Variants in RASGRF2 observed in about 807,000 individuals in gnomAD.
RASGRF2 encodes Ras protein specific guanine nucleotide releasing factor 2.
A neutral mutation model predicts 151.0 loss-of-function variants in RASGRF2; 76 were observed. That is an observed-to-expected ratio of 0.50 (90% CI 0.42 to 0.61). The LOEUF is 0.61. RASGRF2 is among the 20% of genes least tolerant of loss of function. The pLI is 0.00. For missense variants in RASGRF2, 1,148 were observed against 1,564.6 expected, an observed-to-expected ratio of 0.73 and a Z score of 4.49; for synonymous variants, 504 against 566.5, an observed-to-expected ratio of 0.89 and a Z score of 1.57.
At chr5:81,154,411 G>T (rs746191502) in intron 17 of RASGRF2, among the ~76,000 whole-genome samples, 66 of 152,018 alleles carry the variant, frequency 4.3e-4, no homozygotes, top group Non-Finnish European at 7.1e-4. Flanking sequence ...TTTAATTTTT[G>T]TAGAGACAGG....
intron 1 of RASGRF2, among the ~76,000 whole-genome samples, chr5:80,983,923 G>T (rs1180307287): frequency 6.6e-6 from 1 of 152,044 alleles, no homozygotes; most frequent in Non-Finnish European, 1.5e-5. Flanking sequence ...TCAAAATTAC[G>T]TGCATGGCTT....
chr5:81,085,847 C>A lies in RASGRF2; in HGVS notation c.1207C>A (p.Pro403Thr). 1 of 1,614,064 alleles carries A rather than the reference C, an allele frequency of 6.2e-7. No homozygotes were observed. The highest frequency in any genetic ancestry group is 8.5e-7 in the Non-Finnish European group (1 of 1,180,014). The change falls in exon 8 of 27, where the codon CCC (proline) becomes ACC (threonine). Residue 403 changes from proline to threonine, a missense_variant. By Grantham distance (38) the Pro-to-Thr change is conservative. This residue lies in a region of RASGRF2 where 176 missense variants were observed against 309.6 expected (regional missense o/e 0.57). Coordinates refer to ENST00000265080, the MANE Select transcript of RASGRF2 (RefSeq NM_006909.3). ...ITLHELLAHT[P>T]HEHVERKSLE... ...ACTCCATGAGCTCCTTGCTCACACA[C>A]CCCATGAGCATGTGGAAAGGAAAAG...
intron 1 of RASGRF2, among the ~76,000 whole-genome samples, chr5:80,985,780 A>G (rs925864627): frequency 6.6e-6 from 1 of 152,166 alleles, no homozygotes; most frequent in Admixed American, 6.6e-5. Flanking sequence ...GTGGAGTATT[A>G]TGGGAACTCC....
chr5:81,155,054 C>T (rs913296337), intron 17 of RASGRF2, among the ~76,000 whole-genome samples: 4 of 151,952 alleles, frequency 2.6e-5, no homozygotes, highest in Non-Finnish European at 4.4e-5. Flanking sequence ...GCATTTTTTT[C>T]ACCTGTTGGC....
intron 5 of RASGRF2, among the ~76,000 whole-genome samples, chr5:81,077,256 T>C (rs1751966035): frequency 6.6e-6 from 1 of 152,142 alleles, no homozygotes; most frequent in Non-Finnish European, 1.5e-5. Context: ...CTATTGACAA[T>C]GACAAGGTCT....
chr5:81,151,357 G>A (rs1754130209), intron 17 of RASGRF2, among the ~76,000 whole-genome samples: 1 of 151,220 alleles, frequency 6.6e-6, no homozygotes. Context: ...AAGGAGATTG[G>A]GTTTTTGGTC....
chr5:81,103,089 A>G (rs35457491), intron 12 of RASGRF2, among the ~76,000 whole-genome samples: 1 of 152,148 alleles, frequency 6.6e-6, no homozygotes, highest in Admixed American at 6.5e-5. Flanking sequence ...AGAAGAGATC[A>G]CTATGCAAAA....
intron 17 of RASGRF2, among the ~76,000 whole-genome samples, chr5:81,168,177 C>G (rs115642983): frequency 6.6e-6 from 1 of 152,008 alleles, no homozygotes; most frequent in East Asian, 1.9e-4. Context: ...TCAGCCCCTC[C>G]GCTTTGCCCC....
chr5:81,109,698 T>A (rs1752944583), intron 13 of RASGRF2, among the ~76,000 whole-genome samples: 1 of 152,172 alleles, frequency 6.6e-6, no homozygotes, highest in Non-Finnish European at 1.5e-5. Context: ...TTCAGTTTTG[T>A]GCCTGATCAG....
intron 17 of RASGRF2, among the ~76,000 whole-genome samples, chr5:81,155,046 A>AT (rs1158981401): frequency 1.3e-5 from 2 of 152,100 alleles, no homozygotes; most frequent in African/African-American, 4.8e-5. Flanking sequence ...GATATTGAGC[A>AT]TTTTTTTCAC....
intron 1 of RASGRF2, among the ~76,000 whole-genome samples, chr5:81,003,572 G>A (rs1457011141): frequency 1.3e-5 from 2 of 152,118 alleles, no homozygotes; most frequent in Non-Finnish European, 2.9e-5. Context: ...ATGTTGGCCA[G>A]GCTGGTCTTG....
In RASGRF2 at chr5:80,995,686, C is replaced by CG. The variant is rs1357540603; in HGVS notation, c.288+34660_288+34661insG. Among the ~76,000 whole-genome samples, 521 of 123,054 alleles carry CG rather than the reference C, an allele frequency of 4.2e-3. 27 individuals are homozygous for CG. The highest frequency in any genetic ancestry group is 3.8e-3 in the Non-Finnish European group (227 of 59,382). 80.7% of individuals were successfully genotyped at this position (123,054 alleles called of 152,430 possible). Reference sequence around the variant, plus strand: ...AATCATTGTTTCTTTCCTTTCCTTCCCCCCCCCTTTTTTTTTTTTTTTTTG... The same window carrying CG: ...AATCATTGTTTCTTTCCTTTCCTTCCGCCCCCCCTTTTTTTTTTTTTTTTTG... On this transcript the variant is annotated intron_variant, in intron 1 of 26. Coordinates refer to ENST00000265080, the MANE Select transcript of RASGRF2 (RefSeq NM_006909.3).
intron 17 of RASGRF2, among the ~76,000 whole-genome samples, chr5:81,135,566 G>T (rs558214555): frequency 2.0e-5 from 3 of 152,074 alleles, no homozygotes; most frequent in Non-Finnish European, 4.4e-5. Flanking sequence ...TTTTACTAGC[G>T]TAATGTTTTT....
chr5:81,066,327 C>T (rs1162674609), intron 2 of RASGRF2, among the ~76,000 whole-genome samples: 1 of 151,892 alleles, frequency 6.6e-6, no homozygotes, highest in Non-Finnish European at 1.5e-5. Context: ...TTTTCTAACC[C>T]TAACAACACG....
intron 4 of RASGRF2, among the ~76,000 whole-genome samples, chr5:81,071,151 G>A (rs1206156047): frequency 6.6e-6 from 1 of 152,012 alleles, no homozygotes; most frequent in Admixed American, 6.5e-5. Context: ...TTGTCATTTA[G>A]GTTTTGATCC....
At chr5:81,070,431 G>A (rs745612142) in intron 3 of RASGRF2, 61 bp from the exon 4 acceptor site, 1 of 1,377,654 alleles carries the variant, frequency 7.3e-7, no homozygotes, top group South Asian at 1.2e-5. Context: ...AGAGCTTCCT[G>A]TGTGTATGGC....
chr5:81,087,260 C>T (rs78031355), intron 9 of RASGRF2: 6 of 702,962 alleles, frequency 8.5e-6, no homozygotes, highest in South Asian at 4.4e-5. Context: ...GCCTGGCCCA[C>T]GGCCGTGGCA....
intron 17 of RASGRF2, among the ~76,000 whole-genome samples, chr5:81,163,345 C>T (rs184341615): frequency 2.0e-5 from 3 of 152,078 alleles, no homozygotes; most frequent in South Asian, 2.1e-4. Context: ...CAGAGAGGAA[C>T]GCTTCTCTGT....
At chr5:80,974,522 TC>T (rs1748046187) in intron 1 of RASGRF2, among the ~76,000 whole-genome samples, 1 of 152,208 alleles carries the variant, frequency 6.6e-6, no homozygotes, top group African/African-American at 2.4e-5. Context: ...TGTCTTTGGT[TC>T]AGATATTAGA....
Sources: gnomAD v4.1 joint callset for allele counts (sites outside exome capture counted in the v4.1 genomes callset) on GRCh38, gnomAD v4.1.1 for gene constraint, gnomAD v4.1.1 regional missense constraint, MANE v1.5 for transcripts, NCBI Gene and HGNC (gene_info 2026-07-23, HGNC 2026-07-21) for gene names.